Variants in PCDHGB5 observed in about 807,000 individuals in gnomAD.
The protein encoded by PCDHGB5 is protocadherin gamma subfamily B, 5.
PCDHGB5 carries 48 observed loss-of-function variants against 62.9 expected under a neutral mutation model. The observed-to-expected ratio is 0.76, with a 90% confidence interval of 0.61 to 0.97. The LOEUF (loss-of-function observed/expected upper bound fraction) is 0.97, where lower values mean the gene tolerates loss of function less well. PCDHGB5 is among the 50% of genes least tolerant of loss of function. PCDHGB5 has a pLI of 0.00. For synonymous variants in PCDHGB5, 474 were observed against 511.2 expected (o/e 0.93, Z 0.98); for missense variants, 1,118 against 1,198.6 (o/e 0.93, Z 0.99).
At chr5:141,450,885 T>C (rs1262944058) in intron 1 of PCDHGB5, among the ~76,000 whole-genome samples, 1 of 149,238 alleles carries the variant, frequency 6.7e-6, no homozygotes, top group African/African-American at 2.5e-5. Context: ...TGTGCAGTGG[T>C]GCGATATCGG....
At chr5:141,416,119 T>G (rs930613185) in intron 1 of PCDHGB5, 1 of 155,364 alleles carries the variant, frequency 6.4e-6, no homozygotes, top group Admixed American at 6.5e-5. Flanking sequence ...AACTACATTT[T>G]ATATATTTTT....
intron 1 of PCDHGB5, among the ~76,000 whole-genome samples, chr5:141,430,014 G>A (rs925858697): frequency 6.6e-6 from 1 of 152,130 alleles, no homozygotes; most frequent in South Asian, 2.1e-4. Context: ...TTTCACTTGG[G>A]TTCTTGTTAA....
At chr5:141,454,964 C>T (rs1283179107) in intron 1 of PCDHGB5, among the ~76,000 whole-genome samples, 10 of 151,622 alleles carry the variant, frequency 6.6e-5, no homozygotes, top group African/African-American at 2.4e-4. Flanking sequence ...CCGGCCACCA[C>T]GCCTGGCTAA....
chr5:141,428,392 T>A, intron 1 of PCDHGB5: 1 of 497,196 alleles, frequency 2.0e-6, no homozygotes, highest in Admixed American at 3.1e-5. Flanking sequence ...TTCCAGCCCC[T>A]CTGCCTGGGG....
intron 1 of PCDHGB5, chr5:141,409,887 TGCTGTAC>T: frequency 6.2e-7 from 1 of 1,613,062 alleles, no homozygotes; most frequent in Non-Finnish European, 8.5e-7. Flanking sequence ...GCACCGCGGG[TGCTGTAC>T]CCAGCTCTGG....
intron 2 of PCDHGB5, among the ~76,000 whole-genome samples, chr5:141,501,009 C>T (rs2099804715): frequency 2.0e-5 from 3 of 152,040 alleles, no homozygotes; most frequent in Non-Finnish European, 4.4e-5. Context: ...GCTGGGACTA[C>T]AGGCACGCGC....
rs2233605 is a variant in PCDHGB5 at position 141,490,412 on chromosome 5, C to A, written c.2398-4395C>A. ...GGTGAAGTGAGCCTTGATATCTCTC[C>A]GGACCTGCCATTTCAGATTAAGCCT... On this transcript the variant is annotated intron_variant, in intron 1 of 3. Transcript: ENST00000617380. This position sits in a 1 kb window ranked among gnomAD's most constrained non-coding sequence, Gnocchi z 5.4. 1.3e-4 allele frequency: 203 copies of A among 1,614,064 alleles called. 1 individual carries two copies. The highest frequency in any genetic ancestry group is 3.5e-4 in the South Asian group (32 of 91,086).
chr5:141,468,464 TC>T (rs2099167734), intron 1 of PCDHGB5: 2 of 152,174 alleles, frequency 1.3e-5, no homozygotes, highest in Admixed American at 1.3e-4. Flanking sequence ...GCAAGTTATT[TC>T]TGAGGAGAAT....
At chr5:141,420,699 C>T (rs2096518531) in intron 1 of PCDHGB5, among the ~76,000 whole-genome samples, 1 of 152,236 alleles carries the variant, frequency 6.6e-6, no homozygotes, top group African/African-American at 2.4e-5. Context: ...ATTATTTCCA[C>T]TTCCAGAAAT....
intron 1 of PCDHGB5, among the ~76,000 whole-genome samples, chr5:141,444,726 G>C (rs1296177763): frequency 6.6e-6 from 1 of 152,048 alleles, no homozygotes; most frequent in African/African-American, 2.4e-5. Flanking sequence ...TGGTGCCTTT[G>C]TTGAAAGTCA....
In PCDHGB5 at chr5:141,487,260, C is replaced by T; in HGVS notation, c.2398-7547C>T. 6.2e-7 allele frequency: 1 copy of T among 1,614,116 alleles called. No homozygotes were observed. The highest frequency in any genetic ancestry group is 1.1e-5 in the South Asian group (1 of 91,080). On this transcript the variant is annotated intron_variant, in intron 1 of 3. Coordinates refer to ENST00000617380, the MANE Select transcript of PCDHGB5 (RefSeq NM_018925.3). The surrounding 1 kb of genome is among the most constrained non-coding windows in gnomAD (Gnocchi z 5.0). ...CGTCTAACCCTCTACTTGGCTGTGT[C>T]CCTAGTGGCAATTTGCTTTGTCTCC...
At chr5:141,447,937 T>A (rs1036604034) in intron 1 of PCDHGB5, among the ~76,000 whole-genome samples, 1 of 151,852 alleles carries the variant, frequency 6.6e-6, no homozygotes, top group Non-Finnish European at 1.5e-5. Context: ...AATACAAAAA[T>A]TAGCTGGGCA....
intron 1 of PCDHGB5, among the ~76,000 whole-genome samples, chr5:141,401,525 G>A (rs1055771013): frequency 6.6e-6 from 1 of 152,096 alleles, no homozygotes; most frequent in Non-Finnish European, 1.5e-5. Flanking sequence ...ATTACCAGAA[G>A]AAACTTACAA....
rs553276457 is a variant in PCDHGB5 at position 141,480,179 on chromosome 5, G to A, written c.2398-14628G>A. Among the ~76,000 whole-genome samples, 10 of 152,058 alleles carry A rather than the reference G, an allele frequency of 6.6e-5. No individual in the cohort carries two copies. In the South Asian group the frequency reaches 8.3e-4, roughly 13 times the overall value. On this transcript the variant is annotated intron_variant, in intron 1 of 3. Transcript: ENST00000617380. ...AGCATTTTGGGAGGCTGAGGCAGGC[G>A]GATTGCTTGAGGCCAGCAGTTCAAG... is the stretch of plus-strand genomic sequence containing the variant.
At chr5:141,488,011 T>C (rs1424799954) in intron 1 of PCDHGB5, among the ~76,000 whole-genome samples, 1 of 152,182 alleles carries the variant, frequency 6.6e-6, no homozygotes, top group Non-Finnish European at 1.5e-5. Context: ...GATTCTGAAG[T>C]ACCTTAACTC....
rs771411620 is a variant in PCDHGB5, at chr5:141,485,551, G to A, written c.2398-9256G>A. ...GAGCAGAGGTAGAGATCGTAGATGT[G>A]AATGATCACGCCCCCCGTTTTCCGC... On this transcript the variant is annotated intron_variant, in intron 1 of 3. Transcript: ENST00000617380. This position sits in a 1 kb window ranked among gnomAD's most constrained non-coding sequence, Gnocchi z 5.7. 1.9e-6 allele frequency: 3 copies of A among 1,613,958 alleles called. No individual in the cohort carries two copies. Among genetic ancestry groups the A allele is most frequent in the Admixed American group, 1.7e-5 (1 of 60,006 alleles).
intron 1 of PCDHGB5, chr5:141,404,668 T>C: frequency 6.2e-7 from 1 of 1,614,148 alleles, no homozygotes; most frequent in Non-Finnish European, 8.5e-7. Flanking sequence ...CTGATGGTTC[T>C]ACTGGTGTGG....
At chr5:141,424,959 C>A (rs1561817087) in intron 1 of PCDHGB5, among the ~76,000 whole-genome samples, 4 of 152,152 alleles carry the variant, frequency 2.6e-5, no homozygotes, top group Non-Finnish European at 5.9e-5. Flanking sequence ...TAGGTATTTG[C>A]CCCAAATTAC....
At chr5:141,453,377 T>TC (rs1242854086) in intron 1 of PCDHGB5, among the ~76,000 whole-genome samples, 3 of 152,072 alleles carry the variant, frequency 2.0e-5, no homozygotes, top group Admixed American at 2.0e-4. Context: ...CAAGTGATCC[T>TC]CCTGCCTTAG....
Sources: gnomAD v4.1 joint callset for allele counts (sites outside exome capture counted in the v4.1 genomes callset) on GRCh38, gnomAD v4.1.1 for gene constraint, Gnocchi (gnomAD v3.1) non-coding constraint, MANE v1.5 for transcripts, NCBI Gene and HGNC (gene_info 2026-07-23, HGNC 2026-07-21) for gene names.